Variants in SSBP2 observed in about 807,000 individuals in gnomAD.
SSBP2 encodes the protein single stranded DNA binding protein 2, also known as single-stranded DNA-binding protein 2.
SSBP2 carries 17 observed loss-of-function variants against 61.8 expected under a neutral mutation model. The observed-to-expected ratio is 0.28, with a 90% CI of 0.19 to 0.41. The LOEUF (loss-of-function observed/expected upper bound fraction) is 0.41, where lower values mean the gene tolerates loss of function less well. Among genes scored for constraint, SSBP2 ranks in the 10% least tolerant of loss-of-function variants. The probability of loss-of-function intolerance (pLI) is 1.00; values close to 1 mark genes in which losing one functional copy is unlikely to be tolerated. For synonymous variants in SSBP2, 139 were observed against 141.3 expected (o/e 0.98, Z 0.12); for missense variants, 310 against 458.7 (o/e 0.68, Z 2.96).
chr5:81,544,295 C>T (rs76899577), intron 4 of SSBP2, among the ~76,000 whole-genome samples: 22 of 152,130 alleles, frequency 1.4e-4, no homozygotes, highest in African/African-American at 5.1e-4. Flanking sequence ...GATCCGCCCC[C>T]CTCAGCCACC....
intron 1 of SSBP2, among the ~76,000 whole-genome samples, chr5:81,685,477 A>G (rs1581341814): frequency 6.6e-6 from 1 of 152,088 alleles, no homozygotes; most frequent in Non-Finnish European, 1.5e-5. Flanking sequence ...AGGAGTATAT[A>G]TGAACTCTCG....
At position 81,467,016 on chromosome 5, in the gene SSBP2, G is replaced by T; in HGVS notation, c.596C>A (p.Pro199Gln). 1 of 1,610,364 alleles carries T rather than the reference G, an allele frequency of 6.2e-7. No homozygotes were observed. Among genetic ancestry groups the T allele is most frequent in the Non-Finnish European group, 8.5e-7 (1 of 1,177,476 alleles). The change falls in exon 9 of 17, where the codon CCA becomes CAA. Residue 199 changes from proline (P) to glutamine (Q), a missense_variant. This residue lies in a region of SSBP2 where 209 missense variants were observed against 286.4 expected (regional missense o/e 0.73). Coordinates refer to ENST00000320672, the MANE Select transcript of SSBP2 (RefSeq NM_012446.5). The stretch of plus-strand genomic sequence containing the variant: ...TCCAGGGCCACCTAAAGCATTCAGT[G>T]GGGGTCTCATTGCACCTCCATAGTT...
At chr5:81,521,864 A>G (rs899123692) in intron 4 of SSBP2, among the ~76,000 whole-genome samples, 4 of 152,012 alleles carry the variant, frequency 2.6e-5, no homozygotes, top group Admixed American at 2.6e-4. Flanking sequence ...CAACTAGATA[A>G]ACAGTTGCAA....
At chr5:81,734,738 G>A (rs1043093996) in intron 1 of SSBP2, among the ~76,000 whole-genome samples, 4 of 152,096 alleles carry the variant, frequency 2.6e-5, no homozygotes, top group Non-Finnish European at 4.4e-5. Flanking sequence ...TTGGGAGGCC[G>A]AGGCGGGCAG....
intron 4 of SSBP2, among the ~76,000 whole-genome samples, chr5:81,529,306 T>A (rs916693898): frequency 6.6e-6 from 1 of 152,058 alleles, no homozygotes. Context: ...AACATTCTGG[T>A]TGGAGGTGAA....
At chr5:81,476,452 A>C (rs1284928290) in intron 6 of SSBP2, among the ~76,000 whole-genome samples, 2 of 152,170 alleles carry the variant, frequency 1.3e-5, no homozygotes, top group African/African-American at 4.8e-5. Context: ...TCATGTCCTC[A>C]ACAATTTTAA....
At chr5:81,569,742 T>C (rs1773698570) in intron 4 of SSBP2, among the ~76,000 whole-genome samples, 1 of 152,140 alleles carries the variant, frequency 6.6e-6, no homozygotes, top group Non-Finnish European at 1.5e-5. Context: ...GCTGGCAGGT[T>C]TTAAAAAAAA....
intron 4 of SSBP2, among the ~76,000 whole-genome samples, chr5:81,567,697 T>C (rs1375169263): frequency 6.6e-6 from 1 of 151,898 alleles, no homozygotes; most frequent in East Asian, 1.9e-4. Context: ...CAACCCCAGG[T>C]GGGAGGCAGA....
chr5:81,558,197 C>G (rs1772754513), intron 4 of SSBP2, among the ~76,000 whole-genome samples: 1 of 152,208 alleles, frequency 6.6e-6, no homozygotes. Context: ...ATTGAAATCA[C>G]TTACCTGGTT....
rs536221735 is a variant in SSBP2 at position 81,418,367 on chromosome 5, T to G, written c.*2137A>C. ...TTAACTGAGGCTCATTTTATGATAG[T>G]TTAAATCTGCAACATAAATTTAATT... On this transcript the variant is annotated 3_prime_UTR_variant, in exon 17 of 17. Coordinates refer to ENST00000320672, the MANE Select transcript of SSBP2 (RefSeq NM_012446.5). 6.6e-6 allele frequency: 1 copy of G among 152,380 alleles called. No homozygotes were observed. Among genetic ancestry groups the G allele is most frequent in the Non-Finnish European group, 1.5e-5 (1 of 68,044 alleles). The allele number at this position is 152,380 out of a possible 1,614,324, so 9.4% of individuals were successfully genotyped here. A position where few individuals can be genotyped will look rare whatever the true frequency, so the allele number is the denominator to read the frequency against.
chr5:81,497,640 T>C (rs759859975), intron 5 of SSBP2, among the ~76,000 whole-genome samples: 4 of 152,074 alleles, frequency 2.6e-5, no homozygotes, highest in Non-Finnish European at 5.9e-5. Flanking sequence ...TAGGATAAAT[T>C]ATATCTTCCA....
At chr5:81,663,440 C>CT (rs1561667884) in intron 1 of SSBP2, among the ~76,000 whole-genome samples, 2 of 150,562 alleles carry the variant, frequency 1.3e-5, no homozygotes, top group Non-Finnish European at 2.9e-5. Flanking sequence ...GATTTTTTAA[C>CT]TTTGTGAACA....
chr5:81,449,083 T>C (rs75405566), intron 10 of SSBP2, among the ~76,000 whole-genome samples: 2,341 of 152,280 alleles, frequency 0.015, 63 homozygotes, highest in African/African-American at 0.053. Context: ...TTCAGGTAAG[T>C]TGTGCATATT....
rs1000227516 is a variant in SSBP2 at position 81,748,560 on chromosome 5, A to C, written c.62+2421T>G. On this transcript the variant is annotated intron_variant, in intron 1 of 16. Coordinates refer to ENST00000320672, the MANE Select transcript of SSBP2 (RefSeq NM_012446.5). ...GTCGATGTTTGTCTTAGATTCAAAC[A>C]ACATTAACCTAGAAATTAATGCAAC... Among the ~76,000 whole-genome samples, 9 of 149,912 alleles carry C rather than the reference A, an allele frequency of 6.0e-5. 1 individual carries two copies. Among genetic ancestry groups the C allele is most frequent in the Non-Finnish European group, 1.1e-4 (7 of 66,450 alleles).
Position 81,414,381 on chromosome 5 carries a change from GA to G in SSBP2, c.*6122del, listed in dbSNP as rs58896832. The G allele has an allele frequency of 6.6e-6, 1 of 152,000 alleles. No homozygotes were observed. Among genetic ancestry groups the G allele is most frequent in the African/African-American group, 2.4e-5 (1 of 41,384 alleles). 9.4% of individuals were successfully genotyped at this position (152,000 alleles called of 1,614,324 possible). On this transcript the variant is annotated 3_prime_UTR_variant, in exon 17 of 17. Transcript: ENST00000320672. ...AAACCAATTATACTAAGTTAACAGGGAAAATTTAACAGAGGAAATTCTCCTT... is the reference window on the plus strand; with the variant it reads ...AAACCAATTATACTAAGTTAACAGGGAAATTTAACAGAGGAAATTCTCCTT...
chr5:81,452,522 A>T (rs1340229392), intron 10 of SSBP2, among the ~76,000 whole-genome samples: 1 of 152,242 alleles, frequency 6.6e-6, no homozygotes, highest in East Asian at 1.9e-4. Flanking sequence ...AAGAGATGAT[A>T]AAGAGTGATA....
intron 15 of SSBP2, among the ~76,000 whole-genome samples, chr5:81,431,210 GTCAAAAAGGCACT>G (rs1762262789): frequency 6.6e-6 from 1 of 152,038 alleles, no homozygotes; most frequent in South Asian, 2.1e-4. Flanking sequence ...ACTTAGGTTG[GTCAAAAAGGCACT>G]CTACTTGCTT....
At chr5:81,616,766 G>A (rs1434887439) in intron 3 of SSBP2, among the ~76,000 whole-genome samples, 11 of 151,336 alleles carry the variant, frequency 7.3e-5, no homozygotes, top group Non-Finnish European at 1.6e-4. Context: ...AGAACGGGCA[G>A]ACTGCCTCCT....
Position 81,483,380 on chromosome 5 carries a change from A to G in SSBP2, c.432+5870T>C, listed in dbSNP as rs550099472. ...TTGACTACCATTATATAGTTCACTC[A>G]TGGAGACTAAATGCTCATTGATGCT... On this transcript the variant is annotated intron_variant, in intron 6 of 16. Transcript: ENST00000320672. 1.4e-4 allele frequency among the ~76,000 whole-genome samples: 22 copies of G among 152,322 alleles called. No homozygotes were observed. In the East Asian group the frequency reaches 4.0e-3, roughly 28 times the overall value.
Sources: allele counts gnomAD v4.1 joint callset (sites outside exome capture counted in the v4.1 genomes callset), GRCh38; gene constraint gnomAD v4.1.1; regional missense constraint gnomAD v4.1.1; transcripts MANE v1.5; gene names NCBI Gene and HGNC (gene_info 2026-07-23, HGNC 2026-07-21).